PITPNM3: variants seen among roughly 807,000 people sequenced by gnomAD.
PITPNM3 encodes PITPNM family member 3.
In PITPNM3, 26 loss-of-function variants were observed where a neutral mutation model predicts 102.0. That is an observed-to-expected ratio of 0.25 (90% CI 0.19 to 0.35). PITPNM3 has a LOEUF of 0.35. Among genes scored for constraint, PITPNM3 ranks in the 10% least tolerant of loss-of-function variants. PITPNM3 has a pLI of 1.00. For synonymous variants in PITPNM3, 578 were observed against 558.6 expected (o/e 1.03, Z -0.49); for missense variants, 1,083 against 1,346.1 (o/e 0.80, Z 3.06).
In PITPNM3 at chr17:6,472,925, CCT is replaced by C; in HGVS notation, c.1259-100_1259-99del. Reference sequence around the variant, plus strand: ...AATGCAGCCTGGAGTAGCCTACTCCCCTCTCAAGAGCCTCCCCGGGCTCCCTG... The same window carrying C: ...AATGCAGCCTGGAGTAGCCTACTCCCCTCAAGAGCCTCCCCGGGCTCCCTG... On this transcript the variant is annotated intron_variant, in intron 10 of 19. Transcript: ENST00000262483. This position sits in a 1 kb window ranked among gnomAD's most constrained non-coding sequence, Gnocchi z 4.1. 1 of 1,416,740 alleles carries C rather than the reference CCT, an allele frequency of 7.1e-7. No homozygotes were observed. The highest frequency in any genetic ancestry group is 9.8e-7 in the Non-Finnish European group (1 of 1,023,756). The allele number at this position is 1,416,740 out of a possible 1,614,324, so 87.8% of individuals were successfully genotyped here. A position where few individuals can be genotyped will look rare whatever the true frequency, so the allele number is the denominator to read the frequency against.
rs1303271834 is a variant in PITPNM3 at position 6,537,253 on chromosome 17, T to G, written c.118+734A>C. On this transcript the variant is annotated intron_variant, in intron 2 of 19. Transcript: ENST00000262483. The surrounding 1 kb of genome is among the most constrained non-coding windows in gnomAD (Gnocchi z 4.4). ...ATCTATGAGGCTCATTTATTTTTTC[T>G]TTCTTTTTTTTTTTTTTTTTTCTGA... is the stretch of plus-strand genomic sequence containing the variant. 1.4e-5 allele frequency among the ~76,000 whole-genome samples: 2 copies of G among 142,928 alleles called. No individual in the cohort carries two copies. Among genetic ancestry groups the G allele is most frequent in the Non-Finnish European group, 3.0e-5 (2 of 67,144 alleles). 93.8% of individuals were successfully genotyped at this position (142,928 alleles called of 152,430 possible). A position where few individuals can be genotyped will look rare whatever the true frequency, so the allele number is the denominator to read the frequency against.
intron 4 of PITPNM3, among the ~76,000 whole-genome samples, chr17:6,492,172 T>C (rs1485410308): frequency 3.3e-5 from 5 of 150,492 alleles, no homozygotes; most frequent in Non-Finnish European, 1.5e-5. Flanking sequence ...CCAGCAATTC[T>C]CTTGCCTCAG....
At chr17:6,494,516 C>T (rs559990682) in intron 4 of PITPNM3, among the ~76,000 whole-genome samples, 17 of 152,320 alleles carry the variant, frequency 1.1e-4, no homozygotes, top group South Asian at 8.3e-4. Context: ...CAAGTGTGTG[C>T]GGCATCCAGC....
chr17:6,490,829 G>A (rs1274363660), intron 4 of PITPNM3, among the ~76,000 whole-genome samples: 2 of 150,222 alleles, frequency 1.3e-5, no homozygotes, highest in African/African-American at 2.5e-5. Context: ...TGGTGGGCAC[G>A]TATTTAGCTG....
At chr17:6,508,107 A>T (rs1907648675) in intron 3 of PITPNM3, among the ~76,000 whole-genome samples, 2 of 151,418 alleles carry the variant, frequency 1.3e-5, no homozygotes, top group African/African-American at 4.9e-5. Context: ...AGAGGCCGGA[A>T]GAAGCTCGGG....
chr17:6,515,045 G>C (rs939366048), intron 3 of PITPNM3, among the ~76,000 whole-genome samples: 1 of 152,166 alleles, frequency 6.6e-6, no homozygotes, highest in Non-Finnish European at 1.5e-5. Flanking sequence ...CAGGGGCTGG[G>C]AGAAGGGGAA....
At position 6,469,619 on chromosome 17, in the gene PITPNM3, T is replaced by C. The variant is rs912015321; in HGVS notation, c.1773+641A>G. Reference sequence around the variant, plus strand: ...GCCACTCTGTGGCACCTCCACCCCCTGTCCTACTCCAAGCCTCCTCTCTAA... The same window carrying C: ...GCCACTCTGTGGCACCTCCACCCCCCGTCCTACTCCAAGCCTCCTCTCTAA... On this transcript the variant is annotated intron_variant, in intron 13 of 19. Transcript: ENST00000262483. The surrounding 1 kb of genome is among the most constrained non-coding windows in gnomAD (Gnocchi z 4.0). Among the ~76,000 whole-genome samples the C allele has an allele frequency of 6.6e-5, 10 of 152,156 alleles. No homozygotes were observed. Among genetic ancestry groups the C allele is most frequent in the Non-Finnish European group, 1.3e-4 (9 of 68,018 alleles).
At position 6,464,651 on chromosome 17, in the gene PITPNM3, G is replaced by T. The variant is rs116189617; in HGVS notation, c.2007+4C>A. On this transcript the variant is annotated splice_donor_region_variant and intron_variant, in intron 15 of 19. Transcript: ENST00000262483. Reference sequence around the variant, plus strand: ...CTGAGGAGGGGAGGCCCAGCCCCAGGTACCTTCTCTCCAGTCAGAGCCACC... The same window carrying T: ...CTGAGGAGGGGAGGCCCAGCCCCAGTTACCTTCTCTCCAGTCAGAGCCACC... The T allele has an allele frequency of 6.2e-7, 1 of 1,612,844 alleles. No homozygotes were observed. Among genetic ancestry groups the T allele is most frequent in the South Asian group, 1.1e-5 (1 of 91,054 alleles).
intron 3 of PITPNM3, among the ~76,000 whole-genome samples, chr17:6,515,565 A>ATTTG (rs1295420082): frequency 2.0e-5 from 3 of 152,126 alleles, no homozygotes; most frequent in Admixed American, 6.5e-5. Flanking sequence ...CTAAAAAAGA[A>ATTTG]TTTGGCAAGA....
chr17:6,488,695 C>G (rs1420511270), intron 4 of PITPNM3, among the ~76,000 whole-genome samples: 1 of 152,148 alleles, frequency 6.6e-6, no homozygotes, highest in Non-Finnish European at 1.5e-5. Flanking sequence ...AGAGTCTGGC[C>G]TGGGCTTCAT....
chr17:6,541,397 C>A (rs1909724994), intron 1 of PITPNM3, among the ~76,000 whole-genome samples: 1 of 151,598 alleles, frequency 6.6e-6, no homozygotes, highest in Admixed American at 6.6e-5. Context: ...GATGAAAGAA[C>A]TGCAAGGGTA....
At chr17:6,538,613 A>C (rs542934445) in intron 1 of PITPNM3, among the ~76,000 whole-genome samples, 4 of 152,286 alleles carry the variant, frequency 2.6e-5, no homozygotes, top group African/African-American at 9.6e-5. Context: ...CCCAGAAATC[A>C]CACACTTCTG....
rs1555550335 is a variant in PITPNM3 at position 6,455,669 on chromosome 17, G to GGGCAGGGC, written c.2620-27_2620-26insGCCCTGCC. 6.1e-5 allele frequency: 85 copies of GGGCAGGGC among 1,387,412 alleles called. No homozygotes were observed. In the East Asian group the frequency reaches 1.1e-3, roughly 18 times the overall value. The allele number at this position is 1,387,412 out of a possible 1,614,324, so 85.9% of individuals were successfully genotyped here. On this transcript the variant is annotated intron_variant, in intron 19 of 19. Coordinates refer to ENST00000262483, the MANE Select transcript of PITPNM3 (RefSeq NM_031220.4). ...CTGCGGAGGGCAGGGGAGGGCAGGGGAGGGCAGGGCAGGGCAGCAGCGCAG... is the reference window on the plus strand; with the variant it reads ...CTGCGGAGGGCAGGGGAGGGCAGGGGGGCAGGGCAGGGCAGGGCAGGGCAGCAGCGCAG...
At chr17:6,475,020 C>T (rs1905239709) in intron 9 of PITPNM3, among the ~76,000 whole-genome samples, 1 of 152,202 alleles carries the variant, frequency 6.6e-6, no homozygotes, top group South Asian at 2.1e-4. Flanking sequence ...CACTGGCAGG[C>T]CTGCCTCGTC....
chr17:6,469,884 A>C lies in PITPNM3; in HGVS notation c.1773+376T>G, dbSNP rs975250905. Among the ~76,000 whole-genome samples the C allele has an allele frequency of 5.9e-5, 9 of 152,066 alleles. No individual in the cohort carries two copies. The highest frequency in any genetic ancestry group is 1.2e-4 in the Non-Finnish European group (8 of 68,016). On this transcript the variant is annotated intron_variant, in intron 13 of 19. Transcript: ENST00000262483. The surrounding 1 kb of genome is among the most constrained non-coding windows in gnomAD (Gnocchi z 4.0). Reference sequence around the variant, plus strand: ...CAGCTCCCCAGACTCCCTCCCCACCAGGCTCTCCTTCTGGCGCCGGCCTTT... The same window carrying C: ...CAGCTCCCCAGACTCCCTCCCCACCCGGCTCTCCTTCTGGCGCCGGCCTTT...
At chr17:6,490,932 A>G (rs1906421026) in intron 4 of PITPNM3, among the ~76,000 whole-genome samples, 1 of 140,078 alleles carries the variant, frequency 7.1e-6, no homozygotes, top group Non-Finnish European at 1.5e-5. Flanking sequence ...ACTGCACTCC[A>G]GCCTAGGAGA....
At chr17:6,541,511 G>A (rs1348863719) in intron 1 of PITPNM3, among the ~76,000 whole-genome samples, 2 of 152,114 alleles carry the variant, frequency 1.3e-5, no homozygotes, top group Admixed American at 6.6e-5. Context: ...AGCCTGACCA[G>A]GTAGGGTAGG....
rs535153317 is a variant in PITPNM3 at position 6,505,132 on chromosome 17, C to T, written c.227-1558G>A. ...TGGAGGTTGCAGTGAGCCGAGATCA[C>T]GCCACTGCACTCCAGCCTGGGTGAC... On this transcript the variant is annotated intron_variant, in intron 3 of 19. Transcript: ENST00000262483. Among the ~76,000 whole-genome samples the T allele has an allele frequency of 4.2e-3, 638 of 150,708 alleles. 5 individuals are homozygous for T. The highest frequency in any genetic ancestry group is 0.014 in the African/African-American group (589 of 40,640).
At chr17:6,528,186 C>T (rs1250443358) in intron 2 of PITPNM3, among the ~76,000 whole-genome samples, 1 of 152,174 alleles carries the variant, frequency 6.6e-6, no homozygotes, top group African/African-American at 2.4e-5. Flanking sequence ...CCCAAGCTCT[C>T]CCATGCTGCC....
Sources: allele counts gnomAD v4.1 joint callset (sites outside exome capture counted in the v4.1 genomes callset), GRCh38; gene constraint gnomAD v4.1.1; non-coding constraint Gnocchi (gnomAD v3.1); transcripts MANE v1.5; gene names NCBI Gene and HGNC (gene_info 2026-07-23, HGNC 2026-07-21).